The following CSMD2 variants were observed in gnomAD, a reference collection of about 807,000 sequenced individuals.
The protein encoded by CSMD2 is CUB and sushi domain-containing protein 2.
CSMD2 carries 130 observed loss-of-function variants against 398.5 expected under a neutral mutation model. The observed-to-expected ratio is 0.33, with a 90% CI of 0.28 to 0.38. The LOEUF is 0.38. Among genes scored for constraint, CSMD2 ranks in the 10% least tolerant of loss-of-function variants. The pLI, the probability that CSMD2 is intolerant of heterozygous loss-of-function variation, is 1.00. For synonymous variants in CSMD2, 1,828 were observed against 1,908.5 expected (o/e 0.96, Z 1.10); for missense variants, 3,829 against 4,764.9 (o/e 0.80, Z 5.78).
chr1:33,658,957 G>T (rs1644038031), intron 26 of CSMD2, among the ~76,000 whole-genome samples: 2 of 152,220 alleles, frequency 1.3e-5, no homozygotes, highest in African/African-American at 4.8e-5. Context: ...AGCAGTGGTT[G>T]TGAGGTTACC....
At chr1:33,996,603 C>A (rs1646734408) in intron 3 of CSMD2, among the ~76,000 whole-genome samples, 1 of 152,200 alleles carries the variant, frequency 6.6e-6, no homozygotes, top group Non-Finnish European at 1.5e-5. Context: ...GGCCACCCCT[C>A]TAGGCAGGCA....
In CSMD2 at chr1:33,587,093, T is replaced by C. The variant is rs779731246; in HGVS notation, c.6932A>G (p.Asn2311Ser). Residue 2311 changes from asparagine (N) to serine (S), a missense_variant, in exon 45 of 71, where the codon AAT becomes AGT. This residue lies in a region of CSMD2 where 723 missense variants were observed against 758.6 expected (regional missense o/e 0.95). Coordinates refer to ENST00000373381, the MANE Select transcript of CSMD2 (RefSeq NM_001281956.2). ...AEVVTENEEFNIGDIVRYRCL... is the reference protein window; with the variant it reads ...AEVVTENEEFSIGDIVRYRCL... ...GCTGGCTTGGGAGGTGGTACCTATA[T>C]TGAATTCTTCATTCTCTGTGACGAC... 22 of 1,603,822 alleles carry C rather than the reference T, an allele frequency of 1.4e-5. No homozygotes were observed. Among genetic ancestry groups the C allele is most frequent in the Non-Finnish European group, 1.8e-5 (21 of 1,175,314 alleles).
At chr1:33,905,675 T>G (rs1643045245) in intron 5 of CSMD2, among the ~76,000 whole-genome samples, 1 of 152,158 alleles carries the variant, frequency 6.6e-6, no homozygotes. Context: ...AACATGCCTT[T>G]ATGGTGTTAG....
chr1:34,079,652 C>A (rs930713541), intron 2 of CSMD2, among the ~76,000 whole-genome samples: 1 of 152,202 alleles, frequency 6.6e-6, no homozygotes, highest in East Asian at 1.9e-4. Context: ...CTACATGCTA[C>A]AAACACGAAG....
chr1:34,008,421 A>G (rs1272731583), intron 3 of CSMD2, among the ~76,000 whole-genome samples: 1 of 152,200 alleles, frequency 6.6e-6, no homozygotes, highest in African/African-American at 2.4e-5. Flanking sequence ...GTTTCTTCTC[A>G]TACAAAGTAC....
chr1:33,553,549 G>T (rs990304205), intron 55 of CSMD2, among the ~76,000 whole-genome samples: 1 of 152,136 alleles, frequency 6.6e-6, no homozygotes, highest in African/African-American at 2.4e-5. Context: ...TCCTCTAAGT[G>T]TTCAAGTGAA....
intron 13 of CSMD2, among the ~76,000 whole-genome samples, chr1:33,763,907 T>C (rs183492950): frequency 6.6e-6 from 1 of 152,230 alleles, no homozygotes; most frequent in Admixed American, 6.5e-5. Flanking sequence ...CCTTCTTCAA[T>C]ATGTATGCCC....
At chr1:34,123,426 T>C (rs1367515707) in intron 1 of CSMD2, among the ~76,000 whole-genome samples, 1 of 152,136 alleles carries the variant, frequency 6.6e-6, no homozygotes, top group Non-Finnish European at 1.5e-5. Flanking sequence ...CATCTAACGT[T>C]CATCTGTATC....
At chr1:33,963,183 C>A (rs898372852) in intron 3 of CSMD2, among the ~76,000 whole-genome samples, 1 of 152,202 alleles carries the variant, frequency 6.6e-6, no homozygotes, top group East Asian at 1.9e-4. Context: ...CCTTATGGGG[C>A]CCCTCACCTA....
In CSMD2 at chr1:33,798,385, C is replaced by G. The variant is rs547544965; in HGVS notation, c.1447-5859G>C. 3.3e-5 allele frequency among the ~76,000 whole-genome samples: 5 copies of G among 152,306 alleles called. No individual in the cohort carries two copies. In the South Asian group the frequency reaches 8.3e-4, roughly 25 times the overall value. On this transcript the variant is annotated intron_variant, in intron 10 of 70. Coordinates refer to ENST00000373381, the MANE Select transcript of CSMD2 (RefSeq NM_001281956.2). ...CCCATAAGTTATCTTGCTTGCCTGACAATTTAGAGTAGAATCTAAATGCCC... is the reference window on the plus strand; with the variant it reads ...CCCATAAGTTATCTTGCTTGCCTGAGAATTTAGAGTAGAATCTAAATGCCC...
At chr1:33,585,504 G>A (rs1364731375) in intron 46 of CSMD2, among the ~76,000 whole-genome samples, 1 of 152,138 alleles carries the variant, frequency 6.6e-6, no homozygotes, top group African/African-American at 2.4e-5. Context: ...TCCCAATAGA[G>A]CTTCCTTTTT....
chr1:33,677,305 T>C (rs891546027), intron 25 of CSMD2, among the ~76,000 whole-genome samples: 6 of 152,206 alleles, frequency 3.9e-5, no homozygotes, highest in Non-Finnish European at 8.8e-5. Context: ...GCAACGGATA[T>C]GAACAGATAC....
At position 34,164,011 on chromosome 1, in the gene CSMD2, G is replaced by A. The variant is rs1052041538; in HGVS notation, c.187+900C>T. The stretch of plus-strand genomic sequence containing the variant: ...CGAAGTTCCGGGACTCTCCGCACCC[G>A]CTAGATCTGCCCCTTCCCGGACTCG... On this transcript the variant is annotated intron_variant, in intron 1 of 70. Coordinates refer to ENST00000373381, the MANE Select transcript of CSMD2 (RefSeq NM_001281956.2). This position sits in a 1 kb window ranked among gnomAD's most constrained non-coding sequence, Gnocchi z 6.2. 1.3e-5 allele frequency among the ~76,000 whole-genome samples: 2 copies of A among 152,052 alleles called. No individual in the cohort carries two copies. The highest frequency in any genetic ancestry group is 4.8e-5 in the African/African-American group (2 of 41,412).
At chr1:33,947,951 G>A (rs1644889137) in intron 3 of CSMD2, among the ~76,000 whole-genome samples, 1 of 152,214 alleles carries the variant, frequency 6.6e-6, no homozygotes, top group Non-Finnish European at 1.5e-5. Context: ...TGGAACCAGG[G>A]GAACTGGGGT....
rs4653183 is a variant in CSMD2 at position 33,519,387 on chromosome 1, G to A, written c.*53+78C>T. On this transcript the variant is annotated intron_variant, in intron 70 of 70. Transcript: ENST00000373381. This position sits in a 1 kb window ranked among gnomAD's most constrained non-coding sequence, Gnocchi z 5.6. ...GTGTCTATGTGGTGTGTGCGACTCC[G>A]TTGGGTGGAGCCCCTGGCACGCATA... 0.22 allele frequency: 186,038 copies of A among 859,696 alleles called. 22,031 individuals carry two copies. Among genetic ancestry groups the A allele is most frequent in the East Asian group, 0.39 (15,698 of 40,388 alleles). The allele number at this position is 859,696 out of a possible 1,614,324, so 53.3% of individuals were successfully genotyped here.
chr1:33,924,751 T>C (rs1013139654), intron 4 of CSMD2, among the ~76,000 whole-genome samples: 4 of 152,228 alleles, frequency 2.6e-5, no homozygotes, highest in Admixed American at 6.5e-5. Context: ...GGTAAAATGA[T>C]ACCTCACTGT....
At chr1:33,801,616 T>C (rs1399976217) in intron 10 of CSMD2, among the ~76,000 whole-genome samples, 1 of 152,236 alleles carries the variant, frequency 6.6e-6, no homozygotes, top group Non-Finnish European at 1.5e-5. Flanking sequence ...GCTTTCAGGA[T>C]GCTCACGAGC....
rs190013079 is a variant in CSMD2 at position 34,154,764 on chromosome 1, A to G, written c.187+10147T>C. On this transcript the variant is annotated intron_variant, in intron 1 of 70. Coordinates refer to ENST00000373381, the MANE Select transcript of CSMD2 (RefSeq NM_001281956.2). ...TTTTTTTGAGATGGAGTCTTGTTCT[A>G]TCACCCAGGCTGGAGTGCAGTGATG... is the stretch of plus-strand genomic sequence containing the variant. Among the ~76,000 whole-genome samples, 1,165 of 129,398 alleles carry G rather than the reference A, an allele frequency of 9.0e-3. 19 individuals carry two copies. The highest frequency in any genetic ancestry group is 0.032 in the African/African-American group (1,107 of 34,372). 84.9% of individuals were successfully genotyped at this position (129,398 alleles called of 152,430 possible). A position where few individuals can be genotyped will look rare whatever the true frequency, so the allele number is the denominator to read the frequency against.
At chr1:33,985,184 G>T (rs10799014) in intron 3 of CSMD2, among the ~76,000 whole-genome samples, 22,734 of 152,134 alleles carry the variant, frequency 0.15, 2,958 homozygotes, top group East Asian at 0.67. Flanking sequence ...ATGGAGCCCT[G>T]GGCTGTCTCC....
Sources: gnomAD v4.1 joint callset for allele counts (sites outside exome capture counted in the v4.1 genomes callset) on GRCh38, gnomAD v4.1.1 for gene constraint, gnomAD v4.1.1 regional missense constraint, Gnocchi (gnomAD v3.1) non-coding constraint, MANE v1.5 for transcripts, NCBI Gene and HGNC (gene_info 2026-07-23, HGNC 2026-07-21) for gene names.